The following MAP3K7CL variants were observed in gnomAD, a reference collection of about 807,000 sequenced individuals.
MAP3K7CL encodes the protein MAP3K7 C-terminal-like protein.
Under a neutral mutation model 18.6 loss-of-function variants are expected in MAP3K7CL, and 16 were observed. That is an observed-to-expected ratio of 0.86 (90% CI 0.58 to 1.31). The LOEUF (loss-of-function observed/expected upper bound fraction) is 1.31. MAP3K7CL is among the 50% of genes most tolerant of loss of function. MAP3K7CL has a pLI of 0.00. For synonymous variants in MAP3K7CL, 65 were observed against 66.8 expected, an observed-to-expected ratio of 0.97 and a Z score of 0.13; for missense variants, 163 against 174.4, an observed-to-expected ratio of 0.93 and a Z score of 0.37.
intron 2 of MAP3K7CL, among the ~76,000 whole-genome samples, chr21:29,139,906 T>TTTTTTTTTTTTTTTG (rs2086968700): frequency 7.1e-6 from 1 of 141,142 alleles, no homozygotes; most frequent in Non-Finnish European, 1.5e-5. Flanking sequence ...TTTTTTTTTT[T>TTTTTTTTTTTTTTTG]TTTTTTTTTT....
chr21:29,078,868 G>C (rs1239083055), intron 1 of MAP3K7CL, among the ~76,000 whole-genome samples: 1 of 152,178 alleles, frequency 6.6e-6, no homozygotes, highest in African/African-American at 2.4e-5. Context: ...ATGAGACAAG[G>C]CATGGCTAAG....
At chr21:29,165,511 G>A (rs937057890) in intron 4 of MAP3K7CL, among the ~76,000 whole-genome samples, 4 of 152,060 alleles carry the variant, frequency 2.6e-5, no homozygotes, top group African/African-American at 9.7e-5. Flanking sequence ...AGTCCCCAAA[G>A]TCCATTGTAT....
At chr21:29,131,177 C>T (rs2086773673) in intron 1 of MAP3K7CL, 1 of 152,374 alleles carries the variant, frequency 6.6e-6, no homozygotes, top group South Asian at 2.1e-4. Context: ...CTCTAATTAG[C>T]TGTGTTTATT....
chr21:29,168,214 T>C (rs2087739814), intron 4 of MAP3K7CL, among the ~76,000 whole-genome samples: 1 of 152,228 alleles, frequency 6.6e-6, no homozygotes, highest in Non-Finnish European at 1.5e-5. Flanking sequence ...TTGCAGGATA[T>C]ATAGTAATGT....
At chr21:29,126,194 G>A (rs7283853), upstream of MAP3K7CL, among the ~76,000 whole-genome samples, 72,472 of 151,684 alleles carry the variant, frequency 0.48, 17,603 homozygotes, top group East Asian at 0.67. Flanking sequence ...GGATAAGGCC[G>A]TCCACTGGAT....
chr21:29,090,592 G>C (rs532283112), intron 1 of MAP3K7CL, among the ~76,000 whole-genome samples: 15 of 152,122 alleles, frequency 9.9e-5, no homozygotes, highest in Non-Finnish European at 2.2e-4. Flanking sequence ...TGTTAGCCAG[G>C]ATGGTCTTGA....
chr21:29,092,348 C>A, intron 3 of MAP3K7CL: 1 of 1,499,652 alleles, frequency 6.7e-7, no homozygotes, highest in Non-Finnish European at 9.2e-7. Flanking sequence ...GTTTCAATTT[C>A]TTCTCAGGGA....
intron 4 of MAP3K7CL, among the ~76,000 whole-genome samples, chr21:29,100,075 T>G (rs997845802): frequency 1.6e-5 from 2 of 121,628 alleles, no homozygotes; most frequent in African/African-American, 6.6e-5. Context: ...AGAGCGAGAC[T>G]CCGTCTTTAA....
At chr21:29,149,002 C>T (rs2087207408) in intron 2 of MAP3K7CL, among the ~76,000 whole-genome samples, 187 bp from the exon 3 acceptor site, 1 of 152,084 alleles carries the variant, frequency 6.6e-6, no homozygotes, top group African/African-American at 2.4e-5. Context: ...GTTCAGGCGA[C>T]CTAAGCTCTC....
At chr21:29,158,296 C>T (rs1415235029) in intron 3 of MAP3K7CL, among the ~76,000 whole-genome samples, 4 of 151,994 alleles carry the variant, frequency 2.6e-5, no homozygotes, top group Admixed American at 6.6e-5. Context: ...TCTCATGGGG[C>T]GAGTTATACT....
At chr21:29,154,936 A>G (rs918680023) in intron 3 of MAP3K7CL, among the ~76,000 whole-genome samples, 1 of 152,140 alleles carries the variant, frequency 6.6e-6, no homozygotes, top group Non-Finnish European at 1.5e-5. Flanking sequence ...TGGCTTGTTC[A>G]AAAAGTTTGC....
chr21:29,174,881 G>T lies in MAP3K7CL; in HGVS notation c.418G>T (p.Gly140Cys), dbSNP rs2087930579. 6.2e-7 allele frequency: 1 copy of T among 1,613,800 alleles called. No homozygotes were observed. The highest frequency in any genetic ancestry group is 8.5e-7 in the Non-Finnish European group (1 of 1,179,878). Residue 140 changes from glycine to cysteine, a missense_variant, in exon 5 of 5, where the codon GGC becomes TGC. Coordinates refer to ENST00000399928, the MANE Select transcript of MAP3K7CL (RefSeq NM_001286620.2). ...KLRIQYQKRQ[G>C]SS Reference sequence around the variant, plus strand: ...TCGAATACAGTATCAGAAGAGGCAGGGCTCGTCCTAACTTTAAATTTTTCA... The same window carrying T: ...TCGAATACAGTATCAGAAGAGGCAGTGCTCGTCCTAACTTTAAATTTTTCA...
chr21:29,142,127 T>C (rs1330007369), intron 2 of MAP3K7CL, among the ~76,000 whole-genome samples: 1 of 152,114 alleles, frequency 6.6e-6, no homozygotes, highest in Non-Finnish European at 1.5e-5. Context: ...TGCAGTAGCA[T>C]GATCTCTGCT....
chr21:29,100,038 A>G (rs147342817), intron 4 of MAP3K7CL, among the ~76,000 whole-genome samples: 2,656 of 149,594 alleles, frequency 0.018, 85 homozygotes, highest in African/African-American at 0.062. Flanking sequence ...AGCCGAGATC[A>G]CGCCACCTCA....
intron 3 of MAP3K7CL, among the ~76,000 whole-genome samples, chr21:29,158,810 A>T (rs1260834332): frequency 6.6e-6 from 1 of 151,650 alleles, no homozygotes; most frequent in Non-Finnish European, 1.5e-5. Flanking sequence ...TGAAGAGCCT[A>T]TTTCACAATA....
chr21:29,110,792 ATTGTGAAGAACTTCTT>A (rs1440063204), intron 4 of MAP3K7CL, among the ~76,000 whole-genome samples: 1 of 152,088 alleles, frequency 6.6e-6, no homozygotes, highest in African/African-American at 2.4e-5. Flanking sequence ...CATGTTCTTA[ATTGTGAAGAACTTCTT>A]TTTGTTCTCT....
intron 4 of MAP3K7CL, 53 bp from the exon 5 acceptor site, chr21:29,174,658 AT>A: frequency 6.3e-7 from 1 of 1,583,660 alleles, no homozygotes; most frequent in Non-Finnish European, 8.6e-7. Context: ...GAATAATTTA[AT>A]TTGCTTGCAT....
chr21:29,164,591 A>C (rs1332987701), intron 4 of MAP3K7CL, among the ~76,000 whole-genome samples: 1 of 152,224 alleles, frequency 6.6e-6, no homozygotes, highest in Non-Finnish European at 1.5e-5. Context: ...TGATGAGAAG[A>C]GTTGCTGAAA....
intron 4 of MAP3K7CL, among the ~76,000 whole-genome samples, chr21:29,163,047 G>T (rs1347808466): frequency 6.6e-6 from 1 of 152,188 alleles, no homozygotes; most frequent in African/African-American, 2.4e-5. Context: ...GTAGGCGGAG[G>T]TTGCAGTGAG....
Sources: allele counts gnomAD v4.1 joint callset (sites outside exome capture counted in the v4.1 genomes callset), GRCh38; gene constraint gnomAD v4.1.1; transcripts MANE v1.5; gene names NCBI Gene and HGNC (gene_info 2026-07-23, HGNC 2026-07-21).